KRT24: variants seen among roughly 807,000 people sequenced by gnomAD.
KRT24 encodes the protein keratin 24.
KRT24 carries 44 observed loss-of-function variants against 51.7 expected under a neutral mutation model. The observed-to-expected ratio is 0.85, with a 90% CI of 0.67 to 1.09. The LOEUF is 1.09. Among genes scored for constraint, KRT24 ranks in the 50% least tolerant of loss-of-function variants. KRT24 has a pLI of 0.00. For missense variants in KRT24, 633 were observed against 647.0 expected (o/e 0.98, Z 0.24); for synonymous variants, 241 against 249.5 (o/e 0.97, Z 0.32).
Position 40,703,528 on chromosome 17 carries a change from A to G in KRT24, c.166T>C (p.Ser56Pro). The G allele has an allele frequency of 7.0e-7, 1 of 1,424,088 alleles. No individual in the cohort carries two copies. Among genetic ancestry groups the G allele is most frequent in the Non-Finnish European group, 9.4e-7 (1 of 1,061,724 alleles). The allele number at this position is 1,424,088 out of a possible 1,614,324, so 88.2% of individuals were successfully genotyped here. The stretch of plus-strand genomic sequence containing the variant: ...AAGCTGCCCCCAAAAGCACCGCTAG[A>G]CCCCCCACTCAGGCTGCAGCTGCTG... ...GASSCSLSGGSSGAFGGSFGG... is the reference protein window; with the variant it reads ...GASSCSLSGGPSGAFGGSFGG... The change falls in exon 1 of 8, where the codon TCT becomes CCT. Residue 56 changes from serine (S) to proline (P), a missense_variant. Coordinates refer to ENST00000264651, the MANE Select transcript of KRT24 (RefSeq NM_019016.3).
chr17:40,700,842 C>T (rs935987610), intron 3 of KRT24, among the ~76,000 whole-genome samples: 1 of 152,156 alleles, frequency 6.6e-6, no homozygotes, highest in Non-Finnish European at 1.5e-5. Context: ...ATCTCATGAT[C>T]TGCCTGCCTT....
rs141109948 is a variant in KRT24 at position 40,703,142 on chromosome 17, T to C, written c.552A>G (p.Gly184=). 1.8e-4 allele frequency: 292 copies of C among 1,614,084 alleles called. 1 individual carries two copies. In the African/African-American group the frequency reaches 3.6e-3, roughly 20 times the overall value. Residue 184 remains glycine, a synonymous_variant, in exon 1 of 8, where the codon GGA becomes GGG. Coordinates refer to ENST00000264651, the MANE Select transcript of KRT24 (RefSeq NM_019016.3). ...EWYDKYGPGS[G]DGGSGRDYSK... Reference sequence around the variant, plus strand: ...TATAATCTCTTCCCGATCCACCGTCTCCAGACCCAGGCCCATATTTGTCAT... The same window carrying C: ...TATAATCTCTTCCCGATCCACCGTCCCCAGACCCAGGCCCATATTTGTCAT...
At position 40,703,622 on chromosome 17, in the gene KRT24, T is replaced by G. The variant is rs755920266; in HGVS notation, c.72A>C (p.Gly24=). The change falls in exon 1 of 8, where the codon GGA becomes GGC. Residue 24 remains glycine (G), a synonymous_variant. Coordinates refer to ENST00000264651, the MANE Select transcript of KRT24 (RefSeq NM_019016.3). ...ATCTGCTTCCACTGCTGAAGCTGCT[T>G]CCACCAGCAGACACCCTGGCTGAGC... ...GSSSARVSAG[G]SSFSSGSRCG... 3.5e-5 allele frequency: 56 copies of G among 1,611,110 alleles called. No individual in the cohort carries two copies. The highest frequency in any genetic ancestry group is 1.8e-4 in the Admixed American group (11 of 59,598).
rs2037688369 is a variant in KRT24, at chr17:40,701,921, T to C, written c.628A>G (p.Thr210Ala). The C allele has an allele frequency of 1.9e-6, 3 of 1,543,398 alleles. No homozygotes were observed. Among genetic ancestry groups the C allele is most frequent in the East Asian group, 4.9e-5 (2 of 41,230 alleles). The change falls in exon 2 of 8, where the codon ACT (threonine) becomes GCT (alanine). Residue 210 changes from threonine (T) to alanine (A), a missense_variant. Thr to Ala is a moderately conservative substitution (Grantham distance 58). Transcript: ENST00000264651. Reference protein sequence around the residue: ...EDLRNQIIAATVENAGIILHI... With the variant: ...EDLRNQIIAAAVENAGIILHI... Reference sequence around the variant, plus strand: ...AAAATGATCCCAGCATTTTCAACAGTGGCAGCAATGATCTAAAAAAGATGT... The same window carrying C: ...AAAATGATCCCAGCATTTTCAACAGCGGCAGCAATGATCTAAAAAAGATGT...
At chr17:40,700,193 G>C (rs1053081601) in intron 4 of KRT24, 29 bp downstream of exon 4, 2 of 1,613,944 alleles carry the variant, frequency 1.2e-6, no homozygotes, top group Non-Finnish European at 1.7e-6. Flanking sequence ...TGTGGCTACT[G>C]GCTTAGGTGC....
At chr17:40,699,420 A>G in intron 6 of KRT24, 24 bp downstream of exon 6, 1 of 1,588,166 alleles carries the variant, frequency 6.3e-7, no homozygotes, top group South Asian at 1.1e-5. Flanking sequence ...TATGCATTTT[A>G]GTTTGTTCAT....
At chr17:40,698,693 GGCAGGA>G in intron 6 of KRT24, 43 bp from the exon 7 acceptor site, 1 of 1,030,574 alleles carries the variant, frequency 9.7e-7, no homozygotes, top group Non-Finnish European at 1.5e-6. Context: ...AGTTTGCAAA[GGCAGGA>G]GAAAGCCTCC....
chr17:40,700,909 T>C (rs534242968), intron 3 of KRT24, among the ~76,000 whole-genome samples: 191 of 152,232 alleles, frequency 1.3e-3, no homozygotes, highest in African/African-American at 4.5e-3. Flanking sequence ...CCTATTTTAC[T>C]TTTTTAGAGA....
chr17:40,699,498 G>T lies in KRT24; in HGVS notation c.1307C>A (p.Thr436Lys). The change falls in exon 6 of 8, where the codon ACA becomes AAA. Residue 436 changes from threonine (T) to lysine (K), a missense_variant. Transcript: ENST00000264651. ...AEYKQLLDIK[T>K]RLEVEIETYR... The stretch of plus-strand genomic sequence containing the variant: ...GGTCTCGATCTCCACCTCCAGGCGT[G>T]TCTTGATGTCCAGCAATTGCTTGTA... 6.2e-7 allele frequency: 1 copy of T among 1,614,010 alleles called. No homozygotes were observed. The highest frequency in any genetic ancestry group is 8.5e-7 in the Non-Finnish European group (1 of 1,179,900).
In KRT24 at chr17:40,698,177, G is replaced by A; in HGVS notation, c.*60C>T. 5 of 1,059,100 alleles carry A rather than the reference G, an allele frequency of 4.7e-6. No individual in the cohort carries two copies. The highest frequency in any genetic ancestry group is 2.4e-5 in the East Asian group (1 of 42,186). 65.6% of individuals were successfully genotyped at this position (1,059,100 alleles called of 1,614,324 possible). On this transcript the variant is annotated 3_prime_UTR_variant, in exon 8 of 8. Transcript: ENST00000264651. ...ATGCCTAGATTGATGCCATTTCTTCGCTTGTGTCCTTCTTGATTTTTTTTT... is the reference window on the plus strand; with the variant it reads ...ATGCCTAGATTGATGCCATTTCTTCACTTGTGTCCTTCTTGATTTTTTTTT...
rs1182120358 is a variant in KRT24, at chr17:40,699,665, A to G, written c.1144-4T>C. On this transcript the variant is annotated splice_region_variant and splice_polypyrimidine_tract_variant and intron_variant, in intron 5 of 7. Transcript: ENST00000264651. ...GGGTTCCCTCCAGGGAGCTTTTCTA[A>G]GAGAAAAAGCAAATAAAAAATTCAT... is the stretch of plus-strand genomic sequence containing the variant. 2.5e-6 allele frequency: 4 copies of G among 1,608,868 alleles called. No individual in the cohort carries two copies. In the African/African-American group the frequency reaches 5.4e-5, roughly 22 times the overall value.
chr17:40,700,290 T>A lies in KRT24; in HGVS notation c.949A>T (p.Met317Leu). 4 of 1,614,132 alleles carry A rather than the reference T, an allele frequency of 2.5e-6. No homozygotes were observed. Among genetic ancestry groups the A allele is most frequent in the Non-Finnish European group, 3.4e-6 (4 of 1,180,008 alleles). Residue 317 changes from methionine (M) to leucine (L), a missense_variant, in exon 4 of 8, where the codon ATG (methionine) becomes TTG (leucine). Coordinates refer to ENST00000264651, the MANE Select transcript of KRT24 (RefSeq NM_019016.3). ...GCCAGCTCCTCGTACTGCGCCCTCA[T>A]GTCATTCAGTAATTTGGTCAGGTCG... ...GTDLTKLLND[M>L]RAQYEELAEQ...
At position 40,700,030 on chromosome 17, in the gene KRT24, G is replaced by T. The variant is rs1214195853; in HGVS notation, c.1111C>A (p.Leu371Met). 1.2e-6 allele frequency: 2 copies of T among 1,614,074 alleles called. No homozygotes were observed. Among genetic ancestry groups the T allele is most frequent in the Non-Finnish European group, 1.7e-6 (2 of 1,180,036 alleles). Reference sequence around the variant, plus strand: ...AGTTGGGACTGAAGCTCAATTTCCAGGGCTTGCAGGGTACGTTTTAGTTCT... The same window carrying T: ...AGTTGGGACTGAAGCTCAATTTCCATGGCTTGCAGGGTACGTTTTAGTTCT... ...ITELKRTLQA[L>M]EIELQSQLAM... The change falls in exon 5 of 8, where the codon CTG (leucine) becomes ATG (methionine). Residue 371 changes from leucine (L) to methionine (M), a missense_variant. Transcript: ENST00000264651.
At chr17:40,700,680 G>A (rs546419985) in intron 3 of KRT24, among the ~76,000 whole-genome samples, 70 of 151,758 alleles carry the variant, frequency 4.6e-4, no homozygotes, top group Middle Eastern at 6.8e-3. Flanking sequence ...TGCAAACTCC[G>A]CCTCCCCAGT....
chr17:40,702,200 T>G lies in KRT24; in HGVS notation c.616-267A>C, dbSNP rs35163875. On this transcript the variant is annotated intron_variant, in intron 1 of 7. Coordinates refer to ENST00000264651, the MANE Select transcript of KRT24 (RefSeq NM_019016.3). ...GGGCGTGCCACTATGCCCGGCTAATTTTTTTTGTGTGTGTGTTTTTAGTAG... is the reference window on the plus strand; with the variant it reads ...GGGCGTGCCACTATGCCCGGCTAATGTTTTTTGTGTGTGTGTTTTTAGTAG... Among the ~76,000 whole-genome samples the G allele has an allele frequency of 7.9e-3, 1,199 of 151,950 alleles. 15 individuals are homozygous for G. The highest frequency in any genetic ancestry group is 0.027 in the African/African-American group (1,128 of 41,442).
intron 6 of KRT24, 64 bp from the exon 7 acceptor site, chr17:40,698,714 C>T (rs750702894): frequency 1.5e-5 from 12 of 806,352 alleles, no homozygotes; most frequent in African/African-American, 5.2e-5. Flanking sequence ...GCCTCCGCCC[C>T]GGGGATTCTT....
chr17:40,700,409 G>A (rs767695210), intron 3 of KRT24, 26 bp from the exon 4 acceptor site: 6 of 1,582,404 alleles, frequency 3.8e-6, no homozygotes, highest in South Asian at 2.2e-5. Context: ...AAAGACTATC[G>A]TGATGCAAAC....
At chr17:40,702,285 C>T (rs970631289) in intron 1 of KRT24, among the ~76,000 whole-genome samples, 4 of 152,028 alleles carry the variant, frequency 2.6e-5, no homozygotes, top group Non-Finnish European at 4.4e-5. Flanking sequence ...AAGTGATTTG[C>T]CCGCCTCAGC....
intron 1 of KRT24, 50 bp from the exon 2 acceptor site, chr17:40,701,983 G>T (rs762571731): frequency 1.1e-6 from 1 of 932,450 alleles, no homozygotes; most frequent in Non-Finnish European, 1.7e-6. Context: ...TTTACCTTGT[G>T]TCTGCATGCC....
Sources: allele counts gnomAD v4.1 joint callset (sites outside exome capture counted in the v4.1 genomes callset), GRCh38; gene constraint gnomAD v4.1.1; transcripts MANE v1.5; gene names NCBI Gene and HGNC (gene_info 2026-07-23, HGNC 2026-07-21).